Variants in GRIP1 observed in about 807,000 individuals in gnomAD.
The protein encoded by GRIP1 is glutamate receptor-interacting protein 1.
GRIP1 carries 45 observed loss-of-function variants against 129.9 expected under a neutral mutation model. That is an observed-to-expected ratio of 0.35 (90% CI 0.27 to 0.44). GRIP1 has a LOEUF of 0.44. GRIP1 is among the 20% of genes least tolerant of loss of function. The probability of loss-of-function intolerance (pLI) is 1.00; values close to 1 mark genes in which losing one functional copy is unlikely to be tolerated. For synonymous variants in GRIP1, 530 were observed against 520.8 expected (o/e 1.02, Z -0.24); for missense variants, 1,196 against 1,396.8 (o/e 0.86, Z 2.29).
At chr12:66,870,358 A>C (rs1339897149) in intron 1 of GRIP1, among the ~76,000 whole-genome samples, 3 of 150,648 alleles carry the variant, frequency 2.0e-5, no homozygotes, top group Non-Finnish European at 4.5e-5. Context: ...GATGTAAATC[A>C]GGGTTGAAAA....
chr12:66,515,826 G>A, intron 6 of GRIP1, 62 bp from the exon 7 acceptor site: 1 of 1,421,408 alleles, frequency 7.0e-7, no homozygotes. Context: ...AGTATTAATA[G>A]TCACTTTAGC....
intron 2 of GRIP1, among the ~76,000 whole-genome samples, chr12:66,577,429 A>T (rs1253294240): frequency 6.6e-6 from 1 of 152,242 alleles, no homozygotes; most frequent in Non-Finnish European, 1.5e-5. Flanking sequence ...AAATATGTGT[A>T]TGTGATGCAC....
intron 1 of GRIP1, among the ~76,000 whole-genome samples, chr12:66,904,784 C>CG (rs2040902139): frequency 2.0e-5 from 3 of 151,586 alleles, no homozygotes; most frequent in African/African-American, 7.3e-5. Flanking sequence ...CCCAGCTACT[C>CG]GGGGGGCTGA....
At chr12:66,639,709 G>C (rs1274759821) in intron 1 of GRIP1, among the ~76,000 whole-genome samples, 1 of 152,156 alleles carries the variant, frequency 6.6e-6, no homozygotes. Context: ...CTAGTTAAAA[G>C]TCTAAAATTT....
At chr12:66,566,393 T>A (rs1208810513) in intron 2 of GRIP1, among the ~76,000 whole-genome samples, 1 of 152,242 alleles carries the variant, frequency 6.6e-6, no homozygotes, top group African/African-American at 2.4e-5. Flanking sequence ...GTTTTTGTCT[T>A]TGGTTCTGTT....
chr12:66,913,765 AT>A, intron 1 of GRIP1, among the ~76,000 whole-genome samples: 1 of 152,236 alleles, frequency 6.6e-6, no homozygotes. Flanking sequence ...CAGGAGGTCA[AT>A]CAAGTCATAA....
intron 1 of GRIP1, among the ~76,000 whole-genome samples, chr12:66,810,262 TA>T (rs1428431163): frequency 6.6e-6 from 1 of 152,140 alleles, no homozygotes; most frequent in African/African-American, 2.4e-5. Flanking sequence ...TTTTCATTTA[TA>T]AGAGTTTTTA....
chr12:66,579,372 C>A lies in GRIP1; in HGVS notation c.136+17475G>T, dbSNP rs1488475198. Among the ~76,000 whole-genome samples the A allele has an allele frequency of 3.3e-5, 5 of 152,180 alleles. No homozygotes were observed. In the East Asian group the frequency reaches 9.6e-4, roughly 29 times the overall value. ...AAGCACCTCTCCTCCTCCAAAGGATCGCAGTTCCTCACCAGCAATGGAACA... is the reference window on the plus strand; with the variant it reads ...AAGCACCTCTCCTCCTCCAAAGGATAGCAGTTCCTCACCAGCAATGGAACA... On this transcript the variant is annotated intron_variant, in intron 2 of 24. Coordinates refer to ENST00000359742, the MANE Select transcript of GRIP1 (RefSeq NM_001366722.1).
intron 13 of GRIP1, among the ~76,000 whole-genome samples, chr12:66,443,922 T>A (rs964120757): frequency 6.6e-6 from 1 of 152,226 alleles, no homozygotes. Context: ...TCAAAAGAAG[T>A]TTCATGTGTT....
chr12:66,494,916 G>GCTTCT (rs1430231413), intron 7 of GRIP1, among the ~76,000 whole-genome samples: 1 of 151,936 alleles, frequency 6.6e-6, no homozygotes, highest in Non-Finnish European at 1.5e-5. Context: ...AAAGAGAGAA[G>GCTTCT]CTCTTTTAAG....
chr12:66,528,005 A>G (rs1016259381), intron 5 of GRIP1, among the ~76,000 whole-genome samples: 2 of 152,162 alleles, frequency 1.3e-5, no homozygotes, highest in Admixed American at 6.5e-5. Flanking sequence ...TGATGTTTAT[A>G]TAGCTCCCTA....
At chr12:66,445,238 G>T in intron 12 of GRIP1, 84 bp downstream of exon 12, 1 of 1,070,930 alleles carries the variant, frequency 9.3e-7, no homozygotes. Flanking sequence ...ATTGAGCAAT[G>T]TTTCATAATT....
intron 2 of GRIP1, among the ~76,000 whole-genome samples, chr12:66,586,031 T>C (rs2063619356): frequency 6.6e-6 from 1 of 152,178 alleles, no homozygotes; most frequent in African/African-American, 2.4e-5. Flanking sequence ...CATCCTCTCT[T>C]ATGTATATAT....
At chr12:66,661,478 GA>G (rs11331710) in intron 1 of GRIP1, among the ~76,000 whole-genome samples, 3,318 of 149,108 alleles carry the variant, frequency 0.022, 149 homozygotes, top group African/African-American at 0.068. Context: ...AAAAAAGGTG[GA>G]GGGGAGATGG....
At chr12:66,783,960 C>G (rs969900473) in intron 1 of GRIP1, among the ~76,000 whole-genome samples, 1 of 152,082 alleles carries the variant, frequency 6.6e-6, no homozygotes, top group African/African-American at 2.4e-5. Context: ...CATTTCCTTT[C>G]AATTCATTCA....
chr12:66,735,594 A>C (rs1458998628), intron 1 of GRIP1, among the ~76,000 whole-genome samples: 1 of 152,144 alleles, frequency 6.6e-6, no homozygotes, highest in Non-Finnish European at 1.5e-5. Context: ...GGAAGATAAA[A>C]AAGTTTAAGT....
At chr12:66,818,788 A>G (rs2039269383) in intron 1 of GRIP1, among the ~76,000 whole-genome samples, 1 of 152,188 alleles carries the variant, frequency 6.6e-6, no homozygotes, top group Non-Finnish European at 1.5e-5. Flanking sequence ...CTAAAGCTCC[A>G]GAGGTGTTAC....
intron 1 of GRIP1, among the ~76,000 whole-genome samples, chr12:66,888,224 T>TC (rs1178315100): frequency 2.0e-5 from 2 of 102,168 alleles, no homozygotes; most frequent in South Asian, 3.1e-4. Flanking sequence ...CCCAGCTAAT[T>TC]TTTTTTCATT....
intron 1 of GRIP1, among the ~76,000 whole-genome samples, chr12:66,665,867 T>G (rs545270957): frequency 6.6e-6 from 1 of 152,178 alleles, no homozygotes; most frequent in Non-Finnish European, 1.5e-5. Context: ...AGTAGTAGTA[T>G]CAAATTATAC....
Sources: gnomAD v4.1 joint callset for allele counts (sites outside exome capture counted in the v4.1 genomes callset) on GRCh38, gnomAD v4.1.1 for gene constraint, MANE v1.5 for transcripts, NCBI Gene and HGNC (gene_info 2026-07-23, HGNC 2026-07-21) for gene names.